ZC3H11A: variants seen among roughly 807,000 people sequenced by gnomAD.
ZC3H11A encodes the protein zinc finger CCCH-type containing 11A, also known as zinc finger CCCH domain-containing protein 11A.
ZC3H11A carries 22 observed loss-of-function variants against 90.8 expected under a neutral mutation model. The ratio of observed to expected loss-of-function variants is 0.24; its 90% confidence interval spans 0.17 to 0.35. ZC3H11A has a LOEUF of 0.35. ZC3H11A is among the 10% of genes least tolerant of loss of function. The probability of loss-of-function intolerance (pLI) is 1.00; values close to 1 mark genes in which losing one functional copy is unlikely to be tolerated. For missense variants in ZC3H11A, 701 were observed against 964.9 expected, an observed-to-expected ratio of 0.73 and a Z score of 3.62; for synonymous variants, 294 against 339.8, an observed-to-expected ratio of 0.87 and a Z score of 1.48.
In ZC3H11A at chr1:203,829,844, C is replaced by G; in HGVS notation, c.567C>G (p.His189Gln). Reference sequence around the variant, plus strand: ...CCCTGCAACCAACTCCTGAAGTTCACAATGGATTACGAGTGACTTCTGTCC... The same window carrying G: ...CCCTGCAACCAACTCCTGAAGTTCAGAATGGATTACGAGTGACTTCTGTCC... The part of the protein sequence containing the change: ...TPTLQPTPEV[H>Q]NGLRVTSVRK... Residue 189 changes from histidine (H) to glutamine (Q), a missense_variant, in exon 7 of 18, where the codon CAC (histidine) becomes CAG (glutamine). By Grantham distance (24) the His-to-Gln change is conservative (BLOSUM62 0). Around this residue, in one of 4 missense-constraint regions of ZC3H11A, gnomAD observed 530 missense variants for 696.2 expected, o/e 0.76. Transcript: ENST00000367210. 1.9e-6 allele frequency: 3 copies of G among 1,614,152 alleles called. No homozygotes were observed. The highest frequency in any genetic ancestry group is 2.5e-6 in the Non-Finnish European group (3 of 1,180,018).
At chr1:203,804,061 C>A (rs887852921) in intron 2 of ZC3H11A, among the ~76,000 whole-genome samples, 3 of 151,582 alleles carry the variant, frequency 2.0e-5, no homozygotes, top group African/African-American at 7.3e-5. Context: ...TTATCCAGGT[C>A]TTCTGTGCCT....
chr1:203,835,081 G>A (rs752052731), intron 10 of ZC3H11A, among the ~76,000 whole-genome samples: 2 of 152,148 alleles, frequency 1.3e-5, no homozygotes, highest in African/African-American at 2.4e-5. Context: ...CTTCAGAACC[G>A]TTCTGAACTT....
chr1:203,810,885 C>G lies in ZC3H11A; in HGVS notation c.-145-6041C>G, dbSNP rs183603785. ...GACGCTCACGCCTGTAATCCCAGCA[C>G]TTTGAGAGGTTGAGGCGGGCAGATG... On this transcript the variant is annotated intron_variant, in intron 2 of 17. Coordinates refer to ENST00000367210, the MANE Select transcript of ZC3H11A (RefSeq NM_001376342.1). 1.5e-3 allele frequency among the ~76,000 whole-genome samples: 224 copies of G among 151,334 alleles called. 2 individuals are homozygous for G. Among genetic ancestry groups the G allele is most frequent in the African/African-American group, 5.0e-3 (208 of 41,206 alleles).
At chr1:203,850,754 G>GCA in intron 16 of ZC3H11A, 73 bp downstream of exon 16, 1 of 1,547,274 alleles carries the variant, frequency 6.5e-7, no homozygotes, top group Non-Finnish European at 8.8e-7. Flanking sequence ...CTCTCCACTA[G>GCA]CATTCTATCT....
intron 1 of ZC3H11A, chr1:203,799,674 C>G (rs773990129): frequency 1.4e-6 from 1 of 706,810 alleles, no homozygotes; most frequent in South Asian, 1.5e-5. Flanking sequence ...CCTAATCCAT[C>G]ATCTACTCCT....
At chr1:203,799,424 A>G (rs1669826653) in intron 1 of ZC3H11A, 1 of 703,024 alleles carries the variant, frequency 1.4e-6, no homozygotes, top group Non-Finnish European at 2.6e-6. Context: ...ATGATCACCA[A>G]CTTCCATGGA....
chr1:203,827,826 T>A (rs998157196), intron 4 of ZC3H11A, among the ~76,000 whole-genome samples: 1 of 152,170 alleles, frequency 6.6e-6, no homozygotes, highest in East Asian at 1.9e-4. Flanking sequence ...AACTGCAGTT[T>A]ATTGAGTTTG....
intron 2 of ZC3H11A, among the ~76,000 whole-genome samples, chr1:203,810,420 T>C (rs1234412731): frequency 2.1e-5 from 3 of 146,112 alleles, no homozygotes; most frequent in East Asian, 2.3e-4. Flanking sequence ...TTGTAGCTGT[T>C]AGGTTTTTTT....
intron 12 of ZC3H11A, among the ~76,000 whole-genome samples, chr1:203,841,272 C>T (rs927137114): frequency 2.0e-5 from 3 of 151,308 alleles, no homozygotes; most frequent in Non-Finnish European, 4.4e-5. Flanking sequence ...GAACAAGGGT[C>T]TGTGGTTTTC....
chr1:203,845,311 A>T (rs927359129), intron 12 of ZC3H11A, among the ~76,000 whole-genome samples: 14 of 152,250 alleles, frequency 9.2e-5, no homozygotes, highest in Non-Finnish European at 1.6e-4. Context: ...GTCACCATTC[A>T]TGTTGTACTT....
chr1:203,822,489 G>C (rs143978025), intron 4 of ZC3H11A, among the ~76,000 whole-genome samples: 1 of 152,156 alleles, frequency 6.6e-6, no homozygotes, highest in Non-Finnish European at 1.5e-5. Flanking sequence ...GATACTTTGT[G>C]CTGAGCGGCC....
At chr1:203,797,258 T>G (rs969336761) in intron 1 of ZC3H11A, 2 of 258,168 alleles carry the variant, frequency 7.7e-6, no homozygotes, top group Non-Finnish European at 1.5e-5. Context: ...TTCTGTAACA[T>G]GAGGACACTG....
intron 4 of ZC3H11A, among the ~76,000 whole-genome samples, chr1:203,822,022 C>A (rs545459574): frequency 4.0e-5 from 6 of 151,868 alleles, no homozygotes; most frequent in African/African-American, 1.2e-4. Context: ...CTCCCAAAGT[C>A]CTGGGATTAC....
At chr1:203,833,945 TA>T in intron 10 of ZC3H11A, 92 bp downstream of exon 10, 1 of 1,477,276 alleles carries the variant, frequency 6.8e-7, no homozygotes, top group South Asian at 1.4e-5. Flanking sequence ...AGATCTTTGT[TA>T]TTGGTGCCCC....
chr1:203,847,085 GCTCT>G, intron 12 of ZC3H11A, 95 bp from the exon 13 acceptor site: 1 of 1,260,940 alleles, frequency 7.9e-7, no homozygotes, highest in Non-Finnish European at 1.1e-6. Flanking sequence ...TTAAATGATA[GCTCT>G]CTGTTGGACT....
At chr1:203,823,935 T>C (rs1679625272) in intron 4 of ZC3H11A, among the ~76,000 whole-genome samples, 1 of 151,966 alleles carries the variant, frequency 6.6e-6, no homozygotes, top group Non-Finnish European at 1.5e-5. Flanking sequence ...GGATATATTG[T>C]CAAGTGAAAA....
intron 11 of ZC3H11A, among the ~76,000 whole-genome samples, chr1:203,838,917 T>C (rs1048042003): frequency 7.2e-6 from 1 of 138,918 alleles, no homozygotes; most frequent in Non-Finnish European, 1.5e-5. Context: ...CAGTCACCAC[T>C]GCACTCCAGC....
rs1681174464 is a variant in ZC3H11A, at chr1:203,828,160, C to T, written c.175-139C>T. 4.2e-6 allele frequency: 4 copies of T among 953,600 alleles called. No individual in the cohort carries two copies. In the South Asian group the frequency reaches 6.6e-5, roughly 16 times the overall value. 59.1% of individuals were successfully genotyped at this position (953,600 alleles called of 1,614,324 possible). A position where few individuals can be genotyped will look rare whatever the true frequency, so the allele number is the denominator to read the frequency against. ...TAAGTTATGTTATTTTCAGCAATCTCTCTTCCTTCTAAAAATCATCTCATC... is the reference window on the plus strand; with the variant it reads ...TAAGTTATGTTATTTTCAGCAATCTTTCTTCCTTCTAAAAATCATCTCATC... On this transcript the variant is annotated intron_variant, in intron 4 of 17. Transcript: ENST00000367210.
intron 4 of ZC3H11A, 141 bp from the exon 5 acceptor site, chr1:203,828,158 C>G (rs1324448605): frequency 1.1e-6 from 1 of 938,206 alleles, no homozygotes; most frequent in Admixed American, 2.4e-5. Flanking sequence ...TTTCAGCAAT[C>G]TCTCTTCCTT....
Sources: allele counts gnomAD v4.1 joint callset (sites outside exome capture counted in the v4.1 genomes callset), GRCh38; gene constraint gnomAD v4.1.1; regional missense constraint gnomAD v4.1.1; transcripts MANE v1.5; gene names NCBI Gene and HGNC (gene_info 2026-07-23, HGNC 2026-07-21).